The following GFRA1 variants were observed in gnomAD, a reference collection of about 807,000 sequenced individuals.
GFRA1 encodes GDNF family receptor alpha 1.
A neutral mutation model predicts 51.6 loss-of-function variants in GFRA1; 16 were observed. The observed-to-expected ratio is 0.31, with a 90% CI of 0.21 to 0.47. The LOEUF is 0.47. Among genes scored for constraint, GFRA1 ranks in the 20% least tolerant of loss-of-function variants. The pLI, the probability that GFRA1 is intolerant of heterozygous loss-of-function variation, is 1.00. For synonymous variants in GFRA1, 270 were observed against 241.3 expected, an observed-to-expected ratio of 1.12 and a Z score of -1.10; for missense variants, 530 against 594.3, an observed-to-expected ratio of 0.89 and a Z score of 1.13.
At chr10:116,139,969 T>A (rs1436549773) in intron 5 of GFRA1, among the ~76,000 whole-genome samples, 4 of 152,212 alleles carry the variant, frequency 2.6e-5, no homozygotes, top group African/African-American at 9.7e-5. Context: ...CCTTTTACCC[T>A]TTGGCCTTCA....
In GFRA1 at chr10:116,059,974, T is replaced by C. The variant is rs1954724241; in HGVS notation, c.*4424A>G. 1.3e-5 allele frequency: 2 copies of C among 152,190 alleles called. No individual in the cohort carries two copies. Among genetic ancestry groups the C allele is most frequent in the South Asian group, 4.1e-4 (2 of 4,830 alleles). 9.4% of individuals were successfully genotyped at this position (152,190 alleles called of 1,614,324 possible). On this transcript the variant is annotated 3_prime_UTR_variant, in exon 11 of 11. Transcript: ENST00000355422. ...GATGAAGAATTGGGGAGGGCAATACTTAGGCAATAAAGAACAAGGTGGTGG... is the reference window on the plus strand; with the variant it reads ...GATGAAGAATTGGGGAGGGCAATACCTAGGCAATAAAGAACAAGGTGGTGG...
intron 4 of GFRA1, among the ~76,000 whole-genome samples, chr10:116,221,110 C>T (rs1289299484): frequency 6.6e-6 from 1 of 152,112 alleles, no homozygotes; most frequent in Non-Finnish European, 1.5e-5. Context: ...GTACATCAGG[C>T]ACTATTTTAA....
At chr10:116,274,145 C>G (rs1844133595), upstream of GFRA1, among the ~76,000 whole-genome samples, 1 of 152,094 alleles carries the variant, frequency 6.6e-6, no homozygotes, top group Non-Finnish European at 1.5e-5. Context: ...ACCGCTGGTT[C>G]CCAGTCGTGC....
At chr10:116,149,390 T>C (rs1345435067) in intron 5 of GFRA1, among the ~76,000 whole-genome samples, 1 of 152,106 alleles carries the variant, frequency 6.6e-6, no homozygotes, top group Non-Finnish European at 1.5e-5. Context: ...AAAGCTCACA[T>C]TAATAAGATA....
intron 10 of GFRA1, 104 bp downstream of exon 10, chr10:116,065,469 G>A: frequency 2.2e-6 from 2 of 904,492 alleles, no homozygotes; most frequent in South Asian, 1.4e-5. Flanking sequence ...CTTGTGGACT[G>A]GATACCTTCT....
chr10:116,186,824 A>G (rs1962766055), intron 5 of GFRA1, among the ~76,000 whole-genome samples: 1 of 152,208 alleles, frequency 6.6e-6, no homozygotes, highest in Non-Finnish European at 1.5e-5. Context: ...CCCCAAAGAA[A>G]TGGAACAATT....
At chr10:116,225,485 A>G (rs980751229) in intron 4 of GFRA1, among the ~76,000 whole-genome samples, 1 of 140,662 alleles carries the variant, frequency 7.1e-6, no homozygotes, top group Non-Finnish European at 1.5e-5. Context: ...CAGAGAGCCA[A>G]GGTCATGCCA....
intron 6 of GFRA1, among the ~76,000 whole-genome samples, chr10:116,115,382 CA>C (rs1032368424): frequency 1.3e-4 from 20 of 151,940 alleles, no homozygotes; most frequent in African/African-American, 4.6e-4. Context: ...ACCCTCCTGG[CA>C]GCATGGAAGA....
At position 116,063,855 on chromosome 10, in the gene GFRA1, T is replaced by C. The variant is rs962700404; in HGVS notation, c.*543A>G. Reference sequence around the variant, plus strand: ...GTACATATATAAAGGTGAACATCAGTACCAGCTGTTTCCACAAAGCCCACT... The same window carrying C: ...GTACATATATAAAGGTGAACATCAGCACCAGCTGTTTCCACAAAGCCCACT... On this transcript the variant is annotated 3_prime_UTR_variant, in exon 11 of 11. Transcript: ENST00000355422. 4 of 172,472 alleles carry C rather than the reference T, an allele frequency of 2.3e-5. No individual in the cohort carries two copies. Among genetic ancestry groups the C allele is most frequent in the African/African-American group, 7.2e-5 (3 of 41,698 alleles). The allele number at this position is 172,472 out of a possible 1,614,324, so 10.7% of individuals were successfully genotyped here. A position where few individuals can be genotyped will look rare whatever the true frequency, so the allele number is the denominator to read the frequency against.
At chr10:116,160,829 T>C (rs10510015) in intron 5 of GFRA1, among the ~76,000 whole-genome samples, 18,023 of 152,244 alleles carry the variant, frequency 0.12, 2,828 homozygotes, top group African/African-American at 0.36. Context: ...TCCAATTCTA[T>C]GCAAGCCAGT....
intron 6 of GFRA1, among the ~76,000 whole-genome samples, chr10:116,116,334 AACACCTGGATGAC>A (rs1957412017): frequency 6.6e-6 from 1 of 152,238 alleles, no homozygotes; most frequent in South Asian, 2.1e-4. Flanking sequence ...AGGAAGGTGA[AACACCTGGATGAC>A]CCCAAACTGG....
intron 5 of GFRA1, among the ~76,000 whole-genome samples, chr10:116,189,961 C>T (rs968191906): frequency 2.6e-5 from 4 of 152,000 alleles, no homozygotes; most frequent in African/African-American, 9.7e-5. Flanking sequence ...AAGACAAATG[C>T]TCCCTAGGGA....
At chr10:116,131,904 G>GA (rs71010066) in intron 5 of GFRA1, among the ~76,000 whole-genome samples, 9,880 of 100,078 alleles carry the variant, frequency 0.099, 810 homozygotes, top group African/African-American at 0.24. Flanking sequence ...ATCTCAAAAG[G>GA]AAAAAAAAAA....
At chr10:116,224,032 G>A (rs974978321) in intron 4 of GFRA1, among the ~76,000 whole-genome samples, 1 of 152,112 alleles carries the variant, frequency 6.6e-6, no homozygotes, top group Middle Eastern at 3.2e-3. Flanking sequence ...ACAGAGCATC[G>A]CTCACTAGGC....
chr10:116,221,537 G>A (rs1465020117), intron 4 of GFRA1, among the ~76,000 whole-genome samples: 1 of 152,096 alleles, frequency 6.6e-6, no homozygotes, highest in African/African-American at 2.4e-5. Context: ...CAATTCTCAT[G>A]TCTCAGCCTC....
At chr10:116,178,127 C>T (rs1482583465) in intron 5 of GFRA1, among the ~76,000 whole-genome samples, 1 of 152,194 alleles carries the variant, frequency 6.6e-6, no homozygotes, top group Non-Finnish European at 1.5e-5. Flanking sequence ...TGTCGTGTTC[C>T]TAAGGCTGAA....
At chr10:116,271,264 C>G in intron 2 of GFRA1, 149 bp from the exon 3 acceptor site, 1 of 613,626 alleles carries the variant, frequency 1.6e-6, no homozygotes, top group East Asian at 2.8e-5. Context: ...CTCGACCATC[C>G]GGGAGTCCAT....
intron 5 of GFRA1, among the ~76,000 whole-genome samples, chr10:116,174,429 G>A (rs182026257): frequency 3.4e-4 from 52 of 152,230 alleles, no homozygotes; most frequent in African/African-American, 9.9e-4. Flanking sequence ...ATTCTTCAGC[G>A]TCTGGGGCAG....
intron 10 of GFRA1, among the ~76,000 whole-genome samples, 168 bp from the exon 11 acceptor site, chr10:116,064,712 G>T (rs1955015655): frequency 6.6e-6 from 1 of 152,160 alleles, no homozygotes; most frequent in African/African-American, 2.4e-5. Flanking sequence ...TTTATGGGAA[G>T]AAACCATGAA....
Sources: allele counts gnomAD v4.1 joint callset (sites outside exome capture counted in the v4.1 genomes callset), GRCh38; gene constraint gnomAD v4.1.1; transcripts MANE v1.5; gene names NCBI Gene and HGNC (gene_info 2026-07-23, HGNC 2026-07-21).